The following PTPRT variants were observed in gnomAD, a reference collection of about 807,000 sequenced individuals.
PTPRT encodes receptor-type tyrosine-protein phosphatase T.
Under a neutral mutation model 176.8 loss-of-function variants are expected in PTPRT, and 56 were observed. That is an observed-to-expected ratio of 0.32 (90% CI 0.26 to 0.40). PTPRT has a LOEUF of 0.40. PTPRT is among the 10% of genes least tolerant of loss of function. The pLI is 1.00. For synonymous variants in PTPRT, 783 were observed against 739.0 expected (o/e 1.06, Z -0.96); for missense variants, 1,540 against 1,908.2 (o/e 0.81, Z 3.60).
intron 16 of PTPRT, among the ~76,000 whole-genome samples, chr20:42,196,108 C>T (rs1991207907): frequency 6.6e-6 from 1 of 152,108 alleles, no homozygotes. Context: ...GAAGTTTTGG[C>T]CATAATCATT....
At chr20:42,235,663 T>C (rs996839425) in intron 15 of PTPRT, among the ~76,000 whole-genome samples, 8 of 152,104 alleles carry the variant, frequency 5.3e-5, no homozygotes, top group Non-Finnish European at 8.8e-5. Flanking sequence ...ACTGATAATA[T>C]GAGATAAATA....
At chr20:42,095,053 A>G (rs916897676) in intron 27 of PTPRT, among the ~76,000 whole-genome samples, 2 of 151,914 alleles carry the variant, frequency 1.3e-5, no homozygotes, top group African/African-American at 2.4e-5. Context: ...CTCTTATTCC[A>G]TAGTCAATCT....
At chr20:42,776,354 C>T (rs1413475710) in intron 4 of PTPRT, among the ~76,000 whole-genome samples, 1 of 152,186 alleles carries the variant, frequency 6.6e-6, no homozygotes, top group Non-Finnish European at 1.5e-5. Context: ...CCTTTAAAGA[C>T]ATGATTAAAT....
At chr20:42,562,536 A>G (rs2072969526) in intron 7 of PTPRT, among the ~76,000 whole-genome samples, 1 of 152,200 alleles carries the variant, frequency 6.6e-6, no homozygotes, top group Non-Finnish European at 1.5e-5. Context: ...TCATTTGGAG[A>G]CTATTACAAA....
intron 1 of PTPRT, among the ~76,000 whole-genome samples, chr20:42,919,637 A>T (rs1979014650): frequency 6.6e-6 from 1 of 152,178 alleles, no homozygotes; most frequent in Non-Finnish European, 1.5e-5. Context: ...ATATTATCTC[A>T]TTGTATCCCC....
At chr20:42,808,532 C>A (rs546712109) in intron 2 of PTPRT, among the ~76,000 whole-genome samples, 1 of 152,100 alleles carries the variant, frequency 6.6e-6, no homozygotes, top group South Asian at 2.1e-4. Flanking sequence ...GGAAGAGGAC[C>A]AAAGCAAGTC....
At chr20:42,096,394 A>G (rs1352067040) in intron 27 of PTPRT, among the ~76,000 whole-genome samples, 2 of 152,164 alleles carry the variant, frequency 1.3e-5, no homozygotes, top group Admixed American at 1.3e-4. Flanking sequence ...CTTGAGGTCA[A>G]GAGTTTGAGA....
intron 9 of PTPRT, among the ~76,000 whole-genome samples, chr20:42,373,210 G>T (rs569321967): frequency 6.6e-6 from 1 of 152,290 alleles, no homozygotes; most frequent in South Asian, 2.1e-4. Flanking sequence ...GACAGGCTCA[G>T]AGAGGGTGAG....
At chr20:42,102,579 C>T (rs188550270) in intron 25 of PTPRT, among the ~76,000 whole-genome samples, 1 of 152,318 alleles carries the variant, frequency 6.6e-6, no homozygotes, top group Admixed American at 6.5e-5. Flanking sequence ...TACCTGCCAA[C>T]CAGATGAACT....
intron 1 of PTPRT, among the ~76,000 whole-genome samples, chr20:43,042,729 C>T (rs1986664956): frequency 7.1e-6 from 1 of 141,628 alleles, no homozygotes; most frequent in South Asian, 2.5e-4. Flanking sequence ...GCCATCTCTC[C>T]TCCCACCCAC....
chr20:42,771,338 T>C, intron 5 of PTPRT, 97 bp downstream of exon 5: 1 of 1,082,224 alleles, frequency 9.2e-7, no homozygotes, highest in Non-Finnish European at 1.4e-6. Flanking sequence ...ATGTCTTTGT[T>C]CAATACACTT....
At chr20:42,249,931 G>C (rs967037514) in intron 13 of PTPRT, among the ~76,000 whole-genome samples, 2 of 152,130 alleles carry the variant, frequency 1.3e-5, no homozygotes, top group Non-Finnish European at 2.9e-5. Flanking sequence ...TCCTATTGGC[G>C]CCAGCCTTTA....
intron 13 of PTPRT, among the ~76,000 whole-genome samples, chr20:42,260,203 G>A (rs2056724745): frequency 6.6e-6 from 1 of 152,220 alleles, no homozygotes; most frequent in South Asian, 2.1e-4. Context: ...CATCCATGGT[G>A]TGGGACACAT....
At position 42,351,742 on chromosome 20, in the gene PTPRT, G is replaced by A. The variant is rs556732521; in HGVS notation, c.1762+342C>T. On this transcript the variant is annotated intron_variant, in intron 10 of 30. Transcript: ENST00000373187. ...CATCAGGTATTTCATGAGAACCTGC[G>A]CTAATGTCTTGTTCTGGCAAAAAGA... Among the ~76,000 whole-genome samples, 8 of 152,150 alleles carry A rather than the reference G, an allele frequency of 5.3e-5. No homozygotes were observed. In the South Asian group the frequency reaches 1.0e-3, roughly 20 times the overall value.
At chr20:43,150,215 C>G (rs917383012) in intron 1 of PTPRT, among the ~76,000 whole-genome samples, 1 of 152,190 alleles carries the variant, frequency 6.6e-6, no homozygotes, top group East Asian at 1.9e-4. Flanking sequence ...CCCTAGGTAG[C>G]CACACTCGAA....
At chr20:42,037,410 A>G in the PTPRT span, among the ~76,000 whole-genome samples, 1 of 152,086 alleles carries the variant, frequency 6.6e-6, no homozygotes, top group Non-Finnish European at 1.5e-5. Flanking sequence ...GGGACCCTAT[A>G]ACACTTTCAC....
chr20:42,182,509 GCAGAAGAGA>G, intron 16 of PTPRT, among the ~76,000 whole-genome samples: 1 of 152,226 alleles, frequency 6.6e-6, no homozygotes. Context: ...GGTCTCCACT[GCAGAAGAGA>G]CAGAAGTGAC....
chr20:43,175,163 T>A (rs1163126887), intron 1 of PTPRT, among the ~76,000 whole-genome samples: 4 of 152,206 alleles, frequency 2.6e-5, no homozygotes, highest in Non-Finnish European at 5.9e-5. Context: ...GTCTCCTCCA[T>A]GGAGATGCCA....
At chr20:42,188,498 T>G (rs742291) in intron 16 of PTPRT, among the ~76,000 whole-genome samples, 81,019 of 151,870 alleles carry the variant, frequency 0.53, 22,014 homozygotes, top group Non-Finnish European at 0.57. Context: ...CCTCATAGCA[T>G]TGTTGAGAAT....
Sources: gnomAD v4.1 joint callset for allele counts (sites outside exome capture counted in the v4.1 genomes callset) on GRCh38, gnomAD v4.1.1 for gene constraint, MANE v1.5 for transcripts, NCBI Gene and HGNC (gene_info 2026-07-23, HGNC 2026-07-21) for gene names.